The following ZNF236 variants were observed in gnomAD, a reference collection of about 807,000 sequenced individuals.
ZNF236 encodes regulated by glucose.
A neutral mutation model predicts 191.2 loss-of-function variants in ZNF236; 50 were observed. That is an observed-to-expected ratio of 0.26 (90% CI 0.21 to 0.33). The LOEUF (loss-of-function observed/expected upper bound fraction) is 0.33. ZNF236 is among the 10% of genes least tolerant of loss of function. ZNF236 has a pLI of 1.00. For missense variants in ZNF236, 1,754 were observed against 2,374.5 expected, an observed-to-expected ratio of 0.74 and a Z score of 5.43; for synonymous variants, 907 against 928.8, an observed-to-expected ratio of 0.98 and a Z score of 0.43.
intron 1 of ZNF236, among the ~76,000 whole-genome samples, chr18:76,833,157 G>A (rs1229904432): frequency 6.6e-6 from 1 of 152,066 alleles, no homozygotes; most frequent in Admixed American, 6.5e-5. Flanking sequence ...ATATCAACAG[G>A]TTTATTTCTT....
intron 3 of ZNF236, 78 bp from the exon 4 acceptor site, chr18:76,868,607 A>T: frequency 8.2e-7 from 1 of 1,224,038 alleles, no homozygotes; most frequent in Non-Finnish European, 1.1e-6. Flanking sequence ...TTTGTGTATT[A>T]ACCGTTGATC....
At chr18:76,867,106 A>G (rs915629311) in intron 3 of ZNF236, among the ~76,000 whole-genome samples, 8 of 152,200 alleles carry the variant, frequency 5.3e-5, no homozygotes, top group African/African-American at 1.2e-4. Flanking sequence ...GGGCAGTATC[A>G]GTACGGAGAG....
intron 14 of ZNF236, among the ~76,000 whole-genome samples, chr18:76,909,204 A>G (rs1489164474): frequency 2.0e-5 from 3 of 151,874 alleles, no homozygotes; most frequent in Non-Finnish European, 4.4e-5. Context: ...AATCTCAGCT[A>G]CATAGGAGGC....
rs771741183 is a variant in ZNF236 at position 76,871,734 on chromosome 18, C to T, written c.576C>T (p.Ile192=). 14 of 1,614,038 alleles carry T rather than the reference C, an allele frequency of 8.7e-6. No individual in the cohort carries two copies. The highest frequency in any genetic ancestry group is 5.3e-5 in the African/African-American group (4 of 74,908). The change falls in exon 5 of 31, where the codon ATC becomes ATT. Residue 192 remains isoleucine, a synonymous_variant. Coordinates refer to ENST00000320610, the MANE Select transcript of ZNF236 (RefSeq NM_001306089.2). The part of the protein sequence containing the change: ...VSSTRSYNRN[I]DRSGFTYSCP... ...GTACAAGGTCTTATAACCGGAATAT[C>T]GACAGAAGTGGATTCACGTATTCGT...
Position 76,956,256 on chromosome 18 carries a change from T to A in ZNF236, c.5112+74T>A, listed in dbSNP as rs539750036. On this transcript the variant is annotated intron_variant, in intron 28 of 30. Coordinates refer to ENST00000320610, the MANE Select transcript of ZNF236 (RefSeq NM_001306089.2). ...AGATGCGGAGTCCAAGATTTAACAC[T>A]GGCCGGGAATCTGGCATGTGTTTTT... 5 of 1,497,262 alleles carry A rather than the reference T, an allele frequency of 3.3e-6. No individual in the cohort carries two copies. In the Admixed American group the frequency reaches 8.1e-5, roughly 24 times the overall value. The allele number at this position is 1,497,262 out of a possible 1,614,324, so 92.7% of individuals were successfully genotyped here. A position where few individuals can be genotyped will look rare whatever the true frequency, so the allele number is the denominator to read the frequency against.
intron 26 of ZNF236, among the ~76,000 whole-genome samples, chr18:76,946,101 C>T (rs1968254427): frequency 6.6e-6 from 1 of 152,182 alleles, no homozygotes; most frequent in Admixed American, 6.5e-5. Context: ...GCCGTGTCCC[C>T]ACCCAGATCT....
chr18:76,908,963 C>CTGTGTG (rs10524379), intron 14 of ZNF236, among the ~76,000 whole-genome samples: 15 of 147,228 alleles, frequency 1.0e-4, no homozygotes, highest in South Asian at 4.4e-4. Context: ...ATGTGTGTGT[C>CTGTGTG]TGTGTGTGTG....
intron 1 of ZNF236, among the ~76,000 whole-genome samples, chr18:76,826,672 G>A (rs1226504953): frequency 6.6e-6 from 1 of 150,882 alleles, no homozygotes; most frequent in African/African-American, 2.4e-5. Context: ...GGTGGCTGGC[G>A]CCTGTAGTCG....
intron 3 of ZNF236, among the ~76,000 whole-genome samples, chr18:76,852,212 C>T (rs73487060): frequency 0.017 from 2,528 of 152,252 alleles, 72 homozygotes; most frequent in African/African-American, 0.057. Context: ...CTCCTCCTGG[C>T]GCCTCACCCT....
intron 1 of ZNF236, among the ~76,000 whole-genome samples, chr18:76,832,385 G>A (rs1412046338): frequency 2.6e-5 from 4 of 151,832 alleles, no homozygotes; most frequent in Non-Finnish European, 4.4e-5. Context: ...CCAGCTATAC[G>A]TCTCACCTTT....
intron 11 of ZNF236, among the ~76,000 whole-genome samples, chr18:76,903,150 T>A (rs1248204003): frequency 6.6e-6 from 1 of 152,238 alleles, no homozygotes; most frequent in Non-Finnish European, 1.5e-5. Flanking sequence ...TTTCCTTAAA[T>A]CTAATAATGA....
intron 20 of ZNF236, among the ~76,000 whole-genome samples, chr18:76,921,625 C>CT (rs1473550006): frequency 6.6e-6 from 1 of 151,880 alleles, no homozygotes; most frequent in African/African-American, 2.4e-5. Flanking sequence ...TGTGACCTGC[C>CT]TGTGGGTGGG....
chr18:76,868,756 C>T lies in ZNF236; in HGVS notation c.435C>T (p.His145=), dbSNP rs372838986. 3.1e-6 allele frequency: 5 copies of T among 1,613,818 alleles called. No individual in the cohort carries two copies. In the East Asian group the frequency reaches 6.7e-5, roughly 22 times the overall value. The change falls in exon 4 of 31, where the codon CAC becomes CAT. Residue 145 remains histidine, a synonymous_variant. Transcript: ENST00000320610. ...QSQLAVHMEE[H]RQELAGTRQH... is the part of the protein sequence containing the mutation. ...AGCTGGCCGTGCACATGGAGGAGCA[C>T]CGCCAGGAGCTGGCTGGAACCCGGC...
At chr18:76,950,696 A>C (rs1026271575) in intron 27 of ZNF236, among the ~76,000 whole-genome samples, 6 of 152,194 alleles carry the variant, frequency 3.9e-5, no homozygotes, top group African/African-American at 7.2e-5. Flanking sequence ...GTTAATGTTG[A>C]TATTTTGACT....
At chr18:76,867,783 C>T (rs1359933341) in intron 3 of ZNF236, among the ~76,000 whole-genome samples, 1 of 152,144 alleles carries the variant, frequency 6.6e-6, no homozygotes, top group African/African-American at 2.4e-5. Flanking sequence ...TGTCTAACCT[C>T]GTAACAGCCC....
intron 3 of ZNF236, among the ~76,000 whole-genome samples, chr18:76,854,047 G>T (rs1253976879): frequency 1.3e-5 from 2 of 151,502 alleles, no homozygotes; most frequent in African/African-American, 2.4e-5. Flanking sequence ...AAAGAAAATT[G>T]CTGTGAGAGT....
intron 1 of ZNF236, among the ~76,000 whole-genome samples, chr18:76,823,615 C>T (rs532198750): frequency 1.3e-5 from 2 of 152,322 alleles, no homozygotes; most frequent in African/African-American, 4.8e-5. Context: ...CATGAAATAA[C>T]TCAGATTTTG....
intron 11 of ZNF236, among the ~76,000 whole-genome samples, chr18:76,901,000 C>T (rs1977574724): frequency 6.6e-6 from 1 of 152,192 alleles, no homozygotes; most frequent in African/African-American, 2.4e-5. Context: ...GGTTCGCACT[C>T]CTGTGAGAAT....
Position 76,905,310 on chromosome 18 carries a change from G to A in ZNF236, c.2192G>A (p.Arg731Gln), listed in dbSNP as rs368542736. 7 of 1,613,992 alleles carry A rather than the reference G, an allele frequency of 4.3e-6. No homozygotes were observed. Among genetic ancestry groups the A allele is most frequent in the South Asian group, 1.1e-5 (1 of 91,082 alleles). ...NGAFTTGGSL[R>Q]RHMGIHNDLR... ...GCTTTCACTACTGGTGGCAGCTTAC[G>A]GCGACACATGGGTATCCACAACGAC... Residue 731 changes from arginine (R) to glutamine (Q), a missense_variant, in exon 13 of 31, where the codon CGG (arginine) becomes CAG (glutamine). By Grantham distance (43) the Arg-to-Gln change is conservative. Transcript: ENST00000320610.
Sources: allele counts gnomAD v4.1 joint callset (sites outside exome capture counted in the v4.1 genomes callset), GRCh38; gene constraint gnomAD v4.1.1; transcripts MANE v1.5; gene names NCBI Gene and HGNC (gene_info 2026-07-23, HGNC 2026-07-21).